SPRED2: variants seen among roughly 807,000 people sequenced by gnomAD.
SPRED2 encodes the protein sprouty related EVH1 domain containing 2.
In SPRED2, 47 loss-of-function variants were observed where a neutral mutation model predicts 43.0. That is an observed-to-expected ratio of 1.09 (90% CI 0.87 to 1.40). SPRED2 has a LOEUF of 1.40. Ranked by LOEUF, SPRED2 falls within the 40% of genes most tolerant of loss-of-function variation. SPRED2 has a pLI of 0.00. For missense variants in SPRED2, 561 were observed against 586.4 expected (o/e 0.96, Z 0.45); for synonymous variants, 225 against 225.7 (o/e 1.00, Z 0.03).
At position 65,366,305 on chromosome 2, in the gene SPRED2, A is replaced by AACAACAACAAC. The variant is rs1558670912; in HGVS notation, c.27-21410_27-21409insGTTGTTGTTGT. Among the ~76,000 whole-genome samples, 102 of 151,554 alleles carry AACAACAACAAC rather than the reference A, an allele frequency of 6.7e-4. No homozygotes were observed. The East Asian group carries it at 7.2e-3, about 11-fold the overall frequency. On this transcript the variant is annotated intron_variant, in intron 1 of 5. Transcript: ENST00000356388. Reference sequence around the variant, plus strand: ...TTTAGATTCAGGACTTAATAATAAAAAACAACAACAACAACAACAAAACAT... The same window carrying AACAACAACAAC: ...TTTAGATTCAGGACTTAATAATAAAAACAACAACAACAACAACAACAACAACAACAAAACAT...
intron 1 of SPRED2, among the ~76,000 whole-genome samples, chr2:65,375,493 G>C (rs1403980826): frequency 6.6e-6 from 1 of 152,166 alleles, no homozygotes; most frequent in Admixed American, 6.5e-5. Flanking sequence ...CAAAGGAGGA[G>C]GGCTTACCCA....
In SPRED2 at chr2:65,432,031, C is replaced by G. The variant is rs1320237362; in HGVS notation, c.-44G>C. On this transcript the variant is annotated 5_prime_UTR_variant, in exon 1 of 6. Coordinates refer to ENST00000356388, the MANE Select transcript of SPRED2 (RefSeq NM_181784.3). ...GCCTGTCCCGCGGCGGGCAGCTTTG[C>G]TCCCTTCATCTTCCTGTCCGCTCGC... 2 of 1,613,050 alleles carry G rather than the reference C, an allele frequency of 1.2e-6. No individual in the cohort carries two copies. Among genetic ancestry groups the G allele is most frequent in the East Asian group, 2.2e-5 (1 of 44,840 alleles).
At chr2:65,359,635 A>T (rs10193337) in intron 1 of SPRED2, among the ~76,000 whole-genome samples, 2 of 152,104 alleles carry the variant, frequency 1.3e-5, no homozygotes, top group Non-Finnish European at 2.9e-5. Flanking sequence ...TGTGGTGGTT[A>T]AAGACCACTG....
chr2:65,330,441 A>T (rs1673776422), intron 4 of SPRED2, among the ~76,000 whole-genome samples: 1 of 152,222 alleles, frequency 6.6e-6, no homozygotes, highest in African/African-American at 2.4e-5. Context: ...TACACAGGAA[A>T]ATGCCTTATT....
chr2:65,379,069 GGT>G lies in SPRED2; in HGVS notation c.27-34175_27-34174del, dbSNP rs1007658095. ...CCAGGCTGAGCATCCCTACATTACC[GGT>G]GCAATCAAAGATGACACGAGAGCTA... On this transcript the variant is annotated intron_variant, in intron 1 of 5. Transcript: ENST00000356388. Among the ~76,000 whole-genome samples the G allele has an allele frequency of 1.4e-4, 21 of 152,024 alleles. 2 individuals are homozygous for G. The highest frequency in any genetic ancestry group is 1.3e-3 in the Admixed American group (20 of 15,258).
intron 1 of SPRED2, among the ~76,000 whole-genome samples, chr2:65,430,898 G>A (rs975861892): frequency 2.6e-5 from 4 of 151,782 alleles, no homozygotes; most frequent in African/African-American, 9.7e-5. Context: ...GGCGGGCACA[G>A]CCACTGAGCA....
intron 4 of SPRED2, among the ~76,000 whole-genome samples, chr2:65,319,699 T>C (rs775030563): frequency 2.9e-4 from 44 of 152,270 alleles, no homozygotes; most frequent in Non-Finnish European, 5.6e-4. Context: ...CTTGGTGTCA[T>C]ATGTGTGAGT....
chr2:65,370,674 T>C lies in SPRED2; in HGVS notation c.27-25778A>G, dbSNP rs1450132548. 2.0e-5 allele frequency among the ~76,000 whole-genome samples: 3 copies of C among 152,200 alleles called. No homozygotes were observed. In the East Asian group the frequency reaches 5.8e-4, roughly 29 times the overall value. ...ATTTATAGTGATTTGGTCCACAGGATCTGTAGTTCACACTTTCCTTATAAT... is the reference window on the plus strand; with the variant it reads ...ATTTATAGTGATTTGGTCCACAGGACCTGTAGTTCACACTTTCCTTATAAT... On this transcript the variant is annotated intron_variant, in intron 1 of 5. Coordinates refer to ENST00000356388, the MANE Select transcript of SPRED2 (RefSeq NM_181784.3).
chr2:65,366,308 C>CAACAAA (rs1218582329), intron 1 of SPRED2, among the ~76,000 whole-genome samples: 1 of 151,996 alleles, frequency 6.6e-6, no homozygotes, highest in Non-Finnish European at 1.5e-5. Context: ...TAATAAAAAA[C>CAACAAA]AACAACAACA....
rs1675676922 is a variant in SPRED2 at position 65,393,188 on chromosome 2, A to G, written c.26+38774T>C. Reference sequence around the variant, plus strand: ...AGAGATAGATGCAGTACTATTGTAAAAAACCCAATGTTGCGAATGTGGCAT... The same window carrying G: ...AGAGATAGATGCAGTACTATTGTAAGAAACCCAATGTTGCGAATGTGGCAT... On this transcript the variant is annotated intron_variant, in intron 1 of 5. Transcript: ENST00000356388. Among the ~76,000 whole-genome samples the G allele has an allele frequency of 2.0e-5, 3 of 152,134 alleles. No individual in the cohort carries two copies. In the South Asian group the frequency reaches 6.2e-4, roughly 32 times the overall value.
intron 1 of SPRED2, among the ~76,000 whole-genome samples, chr2:65,353,183 T>C (rs1057403124): frequency 2.0e-5 from 3 of 152,188 alleles, no homozygotes; most frequent in Non-Finnish European, 4.4e-5. Context: ...CTTCACTCTG[T>C]TGGGCTCAGA....
At chr2:65,382,129 G>C (rs1175479474) in intron 1 of SPRED2, among the ~76,000 whole-genome samples, 1 of 152,172 alleles carries the variant, frequency 6.6e-6, no homozygotes, top group East Asian at 1.9e-4. Context: ...TTAAAAGGCA[G>C]CTACTGGAGC....
At position 65,311,422 on chromosome 2, in the gene SPRED2, G is replaced by C; in HGVS notation, c.*2079C>G. 1 of 985,762 alleles carries C rather than the reference G, an allele frequency of 1.0e-6. No individual in the cohort carries two copies. Among genetic ancestry groups the C allele is most frequent in the Non-Finnish European group, 1.2e-6 (1 of 829,914 alleles). 61.1% of individuals were successfully genotyped at this position (985,762 alleles called of 1,614,324 possible). A position where few individuals can be genotyped will look rare whatever the true frequency, so the allele number is the denominator to read the frequency against. On this transcript the variant is annotated 3_prime_UTR_variant, in exon 6 of 6. Coordinates refer to ENST00000356388, the MANE Select transcript of SPRED2 (RefSeq NM_181784.3). Reference sequence around the variant, plus strand: ...GAGAAACAGGTAACAACTAAATAGAGGTGACAAACAAAAAACAGCTGGGAT... The same window carrying C: ...GAGAAACAGGTAACAACTAAATAGACGTGACAAACAAAAAACAGCTGGGAT...
intron 4 of SPRED2, among the ~76,000 whole-genome samples, chr2:65,329,388 AG>A (rs1199228797): frequency 6.6e-6 from 1 of 152,236 alleles, no homozygotes; most frequent in African/African-American, 2.4e-5. Flanking sequence ...TTCTAGGGAA[AG>A]GAGGTACTAT....
At position 65,336,764 on chromosome 2, in the gene SPRED2, T is replaced by A. The variant is rs532262488; in HGVS notation, c.205-1991A>T. Among the ~76,000 whole-genome samples, 9 of 152,362 alleles carry A rather than the reference T, an allele frequency of 5.9e-5. 1 individual carries two copies. Among genetic ancestry groups the A allele is most frequent in the African/African-American group, 2.2e-4 (9 of 41,594 alleles). ...GGGGGTGAAAAAATTAGTCTTTGGT[T>A]GATATTTTCCAACTTTGAAATTATT... On this transcript the variant is annotated intron_variant, in intron 2 of 5. Transcript: ENST00000356388.
intron 1 of SPRED2, among the ~76,000 whole-genome samples, chr2:65,396,168 C>T (rs771021510): frequency 5.3e-5 from 8 of 152,122 alleles, no homozygotes; most frequent in Non-Finnish European, 8.8e-5. Flanking sequence ...GGCATGGCAA[C>T]GCAGTTAAAG....
At chr2:65,363,239 CAAAAAA>C (rs141094707) in intron 1 of SPRED2, among the ~76,000 whole-genome samples, 1 of 103,088 alleles carries the variant, frequency 9.7e-6, no homozygotes, top group Non-Finnish European at 1.9e-5. Flanking sequence ...AACTCCGTCT[CAAAAAA>C]AAAAAAAAAA....
At chr2:65,336,571 T>C (rs1015180928) in intron 2 of SPRED2, among the ~76,000 whole-genome samples, 1 of 152,118 alleles carries the variant, frequency 6.6e-6, no homozygotes, top group Admixed American at 6.5e-5. Context: ...CCCCTAAGAA[T>C]AGCACAATGA....
At chr2:65,327,326 A>C (rs1042205383) in intron 4 of SPRED2, among the ~76,000 whole-genome samples, 3 of 152,338 alleles carry the variant, frequency 2.0e-5, no homozygotes, top group Admixed American at 2.0e-4. Context: ...AAAGTTTCTC[A>C]CTGTCCACAG....
Sources: allele counts gnomAD v4.1 joint callset (sites outside exome capture counted in the v4.1 genomes callset), GRCh38; gene constraint gnomAD v4.1.1; transcripts MANE v1.5; gene names NCBI Gene and HGNC (gene_info 2026-07-23, HGNC 2026-07-21).